The following TTLL5 variants were observed in gnomAD, a reference collection of about 807,000 sequenced individuals.
The protein encoded by TTLL5 is tubulin tyrosine ligase like 5, also known as tubulin polyglutamylase TTLL5.
TTLL5 carries 132 observed loss-of-function variants against 168.4 expected under a neutral mutation model. The ratio of observed to expected loss-of-function variants is 0.78; its 90% CI spans 0.68 to 0.91. The LOEUF (loss-of-function observed/expected upper bound fraction) is 0.91, where lower values mean the gene tolerates loss of function less well. Ranked by LOEUF, TTLL5 falls within the 40% of genes least tolerant of loss-of-function variation. TTLL5 has a pLI of 0.00. For missense variants in TTLL5, 1,545 were observed against 1,581.5 expected, an observed-to-expected ratio of 0.98 and a Z score of 0.39; for synonymous variants, 546 against 558.6, an observed-to-expected ratio of 0.98 and a Z score of 0.32.
At chr14:75,850,102 T>C (rs1460550409) in intron 28 of TTLL5, among the ~76,000 whole-genome samples, 1 of 148,728 alleles carries the variant, frequency 6.7e-6, no homozygotes, top group African/African-American at 2.5e-5. Context: ...TCTCAAAAAA[T>C]AAAAATAAAA....
chr14:75,860,113 G>A (rs988214352), intron 28 of TTLL5, among the ~76,000 whole-genome samples: 6 of 152,182 alleles, frequency 3.9e-5, no homozygotes, highest in Non-Finnish European at 7.3e-5. Flanking sequence ...CATTATAAAA[G>A]TTTATGATGT....
chr14:75,754,814 T>C (rs1214247250), intron 18 of TTLL5, among the ~76,000 whole-genome samples: 1 of 152,186 alleles, frequency 6.6e-6, no homozygotes, highest in African/African-American at 2.4e-5. Flanking sequence ...AATCCACTAC[T>C]GTGGATAGTT....
chr14:75,779,805 C>T, intron 24 of TTLL5, 103 bp downstream of exon 24: 1 of 1,212,638 alleles, frequency 8.2e-7, no homozygotes, highest in East Asian at 2.7e-5. Context: ...ACTAATAGTC[C>T]CCAAGGTAAT....
At chr14:75,714,826 G>C (rs985787091) in intron 9 of TTLL5, among the ~76,000 whole-genome samples, 2 of 152,094 alleles carry the variant, frequency 1.3e-5, no homozygotes, top group Admixed American at 1.3e-4. Flanking sequence ...TCAATATCTG[G>C]GTGCTAGATA....
chr14:75,864,586 A>T (rs908367165), intron 29 of TTLL5, among the ~76,000 whole-genome samples: 2 of 152,172 alleles, frequency 1.3e-5, no homozygotes, highest in Non-Finnish European at 2.9e-5. Flanking sequence ...ATATATTAGT[A>T]TGGCCCCAAT....
chr14:75,871,565 T>TAA (rs60974706), intron 29 of TTLL5, among the ~76,000 whole-genome samples: 9 of 137,862 alleles, frequency 6.5e-5, no homozygotes, highest in South Asian at 2.4e-4. Context: ...CACAAATCTT[T>TAA]AAAAAAAAAA....
At chr14:75,714,597 A>G (rs1887307027) in intron 9 of TTLL5, among the ~76,000 whole-genome samples, 1 of 152,118 alleles carries the variant, frequency 6.6e-6, no homozygotes, top group South Asian at 2.1e-4. Context: ...ATGGGTTATA[A>G]TTCTTTACTA....
chr14:75,697,803 A>G (rs1383971607), intron 6 of TTLL5, among the ~76,000 whole-genome samples: 1 of 152,206 alleles, frequency 6.6e-6, no homozygotes, highest in African/African-American at 2.4e-5. Context: ...CAACCAGAAG[A>G]ACAGAAACTA....
chr14:75,690,126 A>T, intron 5 of TTLL5, 66 bp from the exon 6 acceptor site: 5 of 1,576,770 alleles, frequency 3.2e-6, no homozygotes, highest in Non-Finnish European at 4.4e-6. Context: ...ACTCTTTAGA[A>T]TGTGATAACA....
chr14:75,927,670 T>A (rs982962745), intron 31 of TTLL5, among the ~76,000 whole-genome samples: 9 of 152,220 alleles, frequency 5.9e-5, no homozygotes, highest in South Asian at 2.1e-4. Flanking sequence ...GCTCTGCCCC[T>A]GCTGTTTTAT....
intron 29 of TTLL5, among the ~76,000 whole-genome samples, chr14:75,872,995 A>T (rs574929752): frequency 7.9e-5 from 12 of 152,142 alleles, no homozygotes; most frequent in South Asian, 4.2e-4. Flanking sequence ...AAAACATGTA[A>T]ATGTATCCTC....
At chr14:75,778,690 T>C (rs1891866373) in intron 23 of TTLL5, among the ~76,000 whole-genome samples, 2 of 152,142 alleles carry the variant, frequency 1.3e-5, no homozygotes, top group South Asian at 4.1e-4. Context: ...GTAGCCAAGC[T>C]TCAAGAAAAA....
chr14:75,690,406 C>A, intron 6 of TTLL5, 84 bp downstream of exon 6: 1 of 1,479,646 alleles, frequency 6.8e-7, no homozygotes, highest in Admixed American at 2.6e-5. Flanking sequence ...AAGGTGTCAA[C>A]CAATCAGGGC....
intron 27 of TTLL5, among the ~76,000 whole-genome samples, chr14:75,794,040 A>G (rs1160231800): frequency 2.6e-5 from 4 of 152,220 alleles, no homozygotes; most frequent in African/African-American, 9.7e-5. Context: ...ACTTATCTGT[A>G]TAAAATTTAG....
Position 75,792,919 on chromosome 14 carries a change from C to A in TTLL5, c.2990C>A (p.Ser997Ter). ...AAACTTTTCTCCGTTTTAGCAGGATCGTGCTATCTAAACAAGCATCATTCA... is the reference window on the plus strand; with the variant it reads ...AAACTTTTCTCCGTTTTAGCAGGATAGTGCTATCTAAACAAGCATCATTCA... ...LSRPSSAKAG[S>*]CYLNKHHSGI... The change falls in exon 27 of 32, where the codon TCG becomes TAG. Residue 997 changes from serine to a stop codon, truncating the protein, a stop_gained. Transcript: ENST00000298832. LOFTEE classifies it high-confidence loss of function. 1.3e-6 allele frequency: 2 copies of A among 1,588,766 alleles called. No individual in the cohort carries two copies. The highest frequency in any genetic ancestry group is 1.7e-6 in the Non-Finnish European group (2 of 1,163,876).
At chr14:75,892,399 CT>C (rs1488476619) in intron 30 of TTLL5, among the ~76,000 whole-genome samples, 4 of 152,192 alleles carry the variant, frequency 2.6e-5, no homozygotes, top group African/African-American at 9.7e-5. Flanking sequence ...TGGCAAGCTC[CT>C]GTGTCATATT....
chr14:75,878,287 A>G (rs923656686), intron 29 of TTLL5, among the ~76,000 whole-genome samples: 1 of 152,152 alleles, frequency 6.6e-6, no homozygotes, highest in African/African-American at 2.4e-5. Flanking sequence ...TTTTTCCCAC[A>G]TAGTTAGAAA....
intron 31 of TTLL5, among the ~76,000 whole-genome samples, chr14:75,919,665 A>G (rs1025657718): frequency 2.6e-5 from 4 of 152,226 alleles, no homozygotes; most frequent in Non-Finnish European, 5.9e-5. Context: ...GGCTAAAACT[A>G]TAAAATTCCT....
intron 31 of TTLL5, among the ~76,000 whole-genome samples, chr14:75,902,840 T>C (rs968788845): frequency 2.0e-5 from 3 of 152,190 alleles, no homozygotes; most frequent in African/African-American, 7.2e-5. Context: ...ATTGAACAAA[T>C]ATTTATTATT....
Sources: allele counts gnomAD v4.1 joint callset (sites outside exome capture counted in the v4.1 genomes callset), GRCh38; gene constraint gnomAD v4.1.1; transcripts MANE v1.5; gene names NCBI Gene and HGNC (gene_info 2026-07-23, HGNC 2026-07-21).